DLGAP2: variants seen among roughly 807,000 people sequenced by gnomAD.
DLGAP2 encodes disks large-associated protein 2.
A neutral mutation model predicts 100.3 loss-of-function variants in DLGAP2; 26 were observed. The ratio of observed to expected loss-of-function variants is 0.26; its 90% confidence interval spans 0.19 to 0.36. The LOEUF (loss-of-function observed/expected upper bound fraction) is 0.36. DLGAP2 is among the 10% of genes least tolerant of loss of function. The pLI, the probability that DLGAP2 is intolerant of heterozygous loss-of-function variation, is 1.00. For missense variants in DLGAP2, 1,858 were observed against 1,453.2 expected, an observed-to-expected ratio of 1.28 and a Z score of -4.53; for synonymous variants, 886 against 630.1, an observed-to-expected ratio of 1.41 and a Z score of -6.08.
intron 7 of DLGAP2, among the ~76,000 whole-genome samples, chr8:1,632,415 G>A (rs933549984): frequency 2.0e-5 from 3 of 152,194 alleles, no homozygotes; most frequent in Admixed American, 2.0e-4. Flanking sequence ...CTCAGTGCCT[G>A]GAGCCATCGT....
chr8:1,176,480 G>A lies in DLGAP2; in HGVS notation c.74-82371G>A, dbSNP rs373532359. Among the ~76,000 whole-genome samples, 207 of 152,314 alleles carry A rather than the reference G, an allele frequency of 1.4e-3. 9 individuals are homozygous for A. The South Asian group carries it at 0.038, about 28-fold the overall frequency. Reference sequence around the variant, plus strand: ...GATGTAGAACGATGAATGTAGTCACGAGCATTACAGCCAGAAGGAACTACA... The same window carrying A: ...GATGTAGAACGATGAATGTAGTCACAAGCATTACAGCCAGAAGGAACTACA... On this transcript the variant is annotated intron_variant, in intron 2 of 14. Coordinates refer to ENST00000637795, the MANE Select transcript of DLGAP2 (RefSeq NM_001346810.2).
At chr8:949,322 T>A (rs1799415959) in intron 2 of DLGAP2, among the ~76,000 whole-genome samples, 1 of 152,052 alleles carries the variant, frequency 6.6e-6, no homozygotes, top group Non-Finnish European at 1.5e-5. Context: ...GAGTCTGGGA[T>A]TCAGGATGGG....
At chr8:832,196 G>T (rs1761331137) in intron 1 of DLGAP2, among the ~76,000 whole-genome samples, 1 of 152,132 alleles carries the variant, frequency 6.6e-6, no homozygotes, top group Admixed American at 6.5e-5. Flanking sequence ...TTCTTTTGCT[G>T]TGCAGAAGTT....
intron 1 of DLGAP2, among the ~76,000 whole-genome samples, chr8:743,906 A>G (rs1207686395): frequency 1.3e-5 from 2 of 152,204 alleles, no homozygotes; most frequent in Admixed American, 6.5e-5. Context: ...CCGGGTCTTC[A>G]TGTCTGGATC....
intron 6 of DLGAP2, among the ~76,000 whole-genome samples, chr8:1,576,248 T>C (rs1802972194): frequency 6.6e-6 from 1 of 152,256 alleles, no homozygotes; most frequent in Non-Finnish European, 1.5e-5. Flanking sequence ...ATGTGTCTGT[T>C]GGCTGCATAA....
At chr8:1,441,230 A>G (rs1797822868) in intron 3 of DLGAP2, among the ~76,000 whole-genome samples, 1 of 152,196 alleles carries the variant, frequency 6.6e-6, no homozygotes, top group Non-Finnish European at 1.5e-5. Context: ...GTTTTCATAA[A>G]TTCTGGCAGA....
At chr8:1,548,557 C>T in intron 4 of DLGAP2, 69 bp from the exon 5 acceptor site, 1 of 1,362,442 alleles carries the variant, frequency 7.3e-7, no homozygotes, top group African/African-American at 1.5e-5. Flanking sequence ...GTGGGGGTCA[C>T]ATATTCCCCG....
Position 1,430,361 on chromosome 8 carries a change from G to A in DLGAP2, c.107-71005G>A, listed in dbSNP as rs533684204. ...TATAGAGGAACTTAGCCACATTTACGTTGCATTGCGAATGTGTGGCTGTTT... is the reference window on the plus strand; with the variant it reads ...TATAGAGGAACTTAGCCACATTTACATTGCATTGCGAATGTGTGGCTGTTT... On this transcript the variant is annotated intron_variant, in intron 3 of 14. Coordinates refer to ENST00000637795, the MANE Select transcript of DLGAP2 (RefSeq NM_001346810.2). Among the ~76,000 whole-genome samples, 29 of 152,148 alleles carry A rather than the reference G, an allele frequency of 1.9e-4. No individual in the cohort carries two copies. In the South Asian group the frequency reaches 4.0e-3, roughly 21 times the overall value.
intron 3 of DLGAP2, among the ~76,000 whole-genome samples, chr8:1,307,775 G>A (rs778655544): frequency 9.2e-5 from 14 of 152,186 alleles, no homozygotes; most frequent in Non-Finnish European, 1.9e-4. Context: ...CACAAAAGGA[G>A]AGTGACTGTG....
intron 3 of DLGAP2, among the ~76,000 whole-genome samples, chr8:1,345,111 T>C (rs748095565): frequency 1.3e-4 from 17 of 130,254 alleles, no homozygotes; most frequent in Non-Finnish European, 3.4e-5. Flanking sequence ...CTTAGCTGCT[T>C]ATATAAATGA....
intron 2 of DLGAP2, among the ~76,000 whole-genome samples, chr8:917,850 A>T (rs1160842205): frequency 3.9e-5 from 6 of 152,152 alleles, no homozygotes; most frequent in African/African-American, 1.4e-4. Flanking sequence ...GAGTGCTGGG[A>T]TTACAGGCGT....
At chr8:1,212,515 G>A (rs1798125657) in intron 2 of DLGAP2, among the ~76,000 whole-genome samples, 1 of 152,182 alleles carries the variant, frequency 6.6e-6, no homozygotes, top group African/African-American at 2.4e-5. Flanking sequence ...AAAGAGATGA[G>A]ATAGATGAAA....
At chr8:1,262,803 C>A (rs1009041042) in intron 3 of DLGAP2, among the ~76,000 whole-genome samples, 2 of 152,118 alleles carry the variant, frequency 1.3e-5, no homozygotes, top group Admixed American at 6.5e-5. Context: ...TCTTTTTAAG[C>A]TTTATTGACA....
At chr8:1,161,736 C>G (rs62487490) in intron 2 of DLGAP2, among the ~76,000 whole-genome samples, 66,528 of 151,964 alleles carry the variant, frequency 0.44, 15,066 homozygotes, top group East Asian at 0.58. Context: ...CCCCGTGGAG[C>G]CGTCCTGTGT....
intron 2 of DLGAP2, among the ~76,000 whole-genome samples, chr8:1,207,229 C>T (rs1399058830): frequency 6.6e-6 from 1 of 152,138 alleles, no homozygotes; most frequent in African/African-American, 2.4e-5. Flanking sequence ...TATCCTCCAC[C>T]CCTTCCCATC....
intron 2 of DLGAP2, among the ~76,000 whole-genome samples, chr8:1,094,038 G>A (rs985292974): frequency 1.3e-5 from 2 of 151,792 alleles, no homozygotes; most frequent in Non-Finnish European, 2.9e-5. Context: ...TGGGTGGAGG[G>A]AGGGCAGCTC....
intron 4 of DLGAP2, among the ~76,000 whole-genome samples, chr8:1,531,762 T>C (rs2130456622): frequency 6.6e-6 from 1 of 152,348 alleles, no homozygotes; most frequent in East Asian, 1.9e-4. Flanking sequence ...TTTGTTTCTC[T>C]CCTTGCATTG....
At chr8:1,215,912 C>T (rs117682820) in intron 2 of DLGAP2, among the ~76,000 whole-genome samples, 1,920 of 147,786 alleles carry the variant, frequency 0.013, 31 homozygotes, top group South Asian at 0.061. Flanking sequence ...GGTGCATTAC[C>T]TGGAGACGTC....
intron 2 of DLGAP2, among the ~76,000 whole-genome samples, chr8:1,007,305 G>A (rs565382464): frequency 1.3e-5 from 2 of 152,352 alleles, no homozygotes; most frequent in South Asian, 4.1e-4. Context: ...GTTTGCTGGA[G>A]GACCTGGCCA....
Sources: allele counts gnomAD v4.1 joint callset (sites outside exome capture counted in the v4.1 genomes callset), GRCh38; gene constraint gnomAD v4.1.1; transcripts MANE v1.5; gene names NCBI Gene and HGNC (gene_info 2026-07-23, HGNC 2026-07-21).